The following GRID2 variants were observed in gnomAD, a reference collection of about 807,000 sequenced individuals.
GRID2 encodes the protein glutamate ionotropic receptor delta type subunit 2.
In GRID2, 33 loss-of-function variants were observed where a neutral mutation model predicts 114.8. The observed-to-expected ratio is 0.29, with a 90% confidence interval of 0.22 to 0.38. The LOEUF is 0.38. Among genes scored for constraint, GRID2 ranks in the 10% least tolerant of loss-of-function variants. The pLI, the probability that GRID2 is intolerant of heterozygous loss-of-function variation, is 1.00. For synonymous variants in GRID2, 505 were observed against 449.9 expected, an observed-to-expected ratio of 1.12 and a Z score of -1.55; for missense variants, 1,184 against 1,257.7, an observed-to-expected ratio of 0.94 and a Z score of 0.89.
intron 13 of GRID2, among the ~76,000 whole-genome samples, chr4:93,558,433 C>G (rs1734553065): frequency 6.6e-6 from 1 of 152,146 alleles, no homozygotes; most frequent in African/African-American, 2.4e-5. Flanking sequence ...GAAATACAAA[C>G]TACCATCAGA....
intron 13 of GRID2, among the ~76,000 whole-genome samples, chr4:93,590,825 T>A (rs1164065185): frequency 6.7e-6 from 1 of 150,162 alleles, no homozygotes; most frequent in African/African-American, 2.4e-5. Flanking sequence ...CAATTGTGAA[T>A]GGGAGTTCAC....
chr4:92,918,930 C>T (rs1749057750), intron 2 of GRID2, among the ~76,000 whole-genome samples: 1 of 152,154 alleles, frequency 6.6e-6, no homozygotes, highest in African/African-American at 2.4e-5. Flanking sequence ...GGAATGGTAC[C>T]AGTTCCTCCT....
chr4:92,750,596 T>A (rs1578142332), intron 2 of GRID2, among the ~76,000 whole-genome samples: 1 of 152,152 alleles, frequency 6.6e-6, no homozygotes, highest in Non-Finnish European at 1.5e-5. Context: ...GGCGACACTA[T>A]GGGGAATAGC....
At chr4:93,692,354 T>C (rs1290660578) in intron 14 of GRID2, among the ~76,000 whole-genome samples, 3 of 152,062 alleles carry the variant, frequency 2.0e-5, no homozygotes, top group African/African-American at 7.2e-5. Flanking sequence ...GCAAAAGTAC[T>C]GAGGTGGGGA....
At chr4:92,360,126 G>C (rs569933148) in intron 1 of GRID2, among the ~76,000 whole-genome samples, 12 of 152,082 alleles carry the variant, frequency 7.9e-5, no homozygotes, top group Admixed American at 7.2e-4. Flanking sequence ...TAAGCAGAGA[G>C]CTTTACCTAG....
chr4:93,139,735 AACACACAC>A (rs70942952), intron 4 of GRID2, among the ~76,000 whole-genome samples: 5 of 147,982 alleles, frequency 3.4e-5, no homozygotes, highest in South Asian at 2.2e-4. Context: ...GTACTTTTGA[AACACACAC>A]ACACACACAC....
intron 14 of GRID2, among the ~76,000 whole-genome samples, chr4:93,753,044 T>C (rs1388720300): frequency 6.6e-6 from 1 of 152,174 alleles, no homozygotes. Flanking sequence ...TATCACTGAT[T>C]CTCAGAGGGA....
At chr4:93,105,150 C>T (rs1009663703) in intron 3 of GRID2, among the ~76,000 whole-genome samples, 4 of 152,124 alleles carry the variant, frequency 2.6e-5, no homozygotes, top group South Asian at 2.1e-4. Flanking sequence ...TTTTTGATGG[C>T]GTTGTTTGTT....
At chr4:92,342,132 A>G (rs183313708) in intron 1 of GRID2, among the ~76,000 whole-genome samples, 44 of 152,258 alleles carry the variant, frequency 2.9e-4, no homozygotes, top group Admixed American at 1.6e-3. Flanking sequence ...CTTACAATCT[A>G]TTTGGGGAGA....
intron 8 of GRID2, among the ~76,000 whole-genome samples, chr4:93,285,721 C>T (rs1173506979): frequency 1.3e-5 from 2 of 151,892 alleles, no homozygotes; most frequent in Non-Finnish European, 2.9e-5. Flanking sequence ...ATTTCAAATG[C>T]TAAAATATGA....
intron 1 of GRID2, among the ~76,000 whole-genome samples, chr4:92,404,043 A>C (rs562896133): frequency 6.6e-6 from 1 of 152,332 alleles, no homozygotes; most frequent in African/African-American, 2.4e-5. Context: ...TATTGTGAGA[A>C]TTACCAAAAC....
At chr4:93,360,876 ACTTCT>A (rs200297786) in intron 8 of GRID2, among the ~76,000 whole-genome samples, 6,046 of 151,614 alleles carry the variant, frequency 0.04, 160 homozygotes, top group South Asian at 0.068. Context: ...TTTTTTCTGT[ACTTCT>A]CTTTGTCTAT....
chr4:93,035,756 A>G (rs960760200), intron 2 of GRID2, among the ~76,000 whole-genome samples: 1 of 152,148 alleles, frequency 6.6e-6, no homozygotes, highest in African/African-American at 2.4e-5. Flanking sequence ...GGCAGATCAC[A>G]ATGTGATATC....
chr4:92,345,329 A>G (rs1165446652), intron 1 of GRID2, among the ~76,000 whole-genome samples: 1 of 152,206 alleles, frequency 6.6e-6, no homozygotes, highest in Non-Finnish European at 1.5e-5. Flanking sequence ...TAGTGTGTCT[A>G]TACCATGTTT....
At chr4:92,314,050 C>G (rs1210422830) in intron 1 of GRID2, among the ~76,000 whole-genome samples, 1 of 151,894 alleles carries the variant, frequency 6.6e-6, no homozygotes, top group African/African-American at 2.4e-5. Context: ...TTATATAATT[C>G]CTGAGTTTGG....
intron 2 of GRID2, among the ~76,000 whole-genome samples, chr4:92,998,356 T>A (rs1755332313): frequency 1.3e-5 from 2 of 152,188 alleles, no homozygotes; most frequent in Admixed American, 1.3e-4. Flanking sequence ...CTCTACATCA[T>A]AATGAAATAG....
intron 2 of GRID2, among the ~76,000 whole-genome samples, chr4:92,906,891 C>G (rs1312988654): frequency 6.6e-6 from 1 of 152,144 alleles, no homozygotes; most frequent in East Asian, 1.9e-4. Flanking sequence ...TGGCCTTGGA[C>G]TAGCAGCATA....
chr4:93,108,700 G>A (rs1034601225), intron 3 of GRID2, among the ~76,000 whole-genome samples: 16 of 149,842 alleles, frequency 1.1e-4, no homozygotes, highest in African/African-American at 2.2e-4. Context: ...GCATGATCTC[G>A]GTTCACTGCA....
At chr4:92,425,594 C>T (rs569359412) in intron 1 of GRID2, among the ~76,000 whole-genome samples, 1 of 152,184 alleles carries the variant, frequency 6.6e-6, no homozygotes, top group East Asian at 1.9e-4. Context: ...TAGTGTTTTA[C>T]TTCTGACCAC....
Sources: gnomAD v4.1 joint callset for allele counts (sites outside exome capture counted in the v4.1 genomes callset) on GRCh38, gnomAD v4.1.1 for gene constraint, MANE v1.5 for transcripts, NCBI Gene and HGNC (gene_info 2026-07-23, HGNC 2026-07-21) for gene names.